Variants in ROBO2 observed in about 807,000 individuals in gnomAD.
The protein encoded by ROBO2 is roundabout homolog 2.
A neutral mutation model predicts 160.8 loss-of-function variants in ROBO2; 53 were observed. That is an observed-to-expected ratio of 0.33 (90% CI 0.26 to 0.41). The LOEUF (loss-of-function observed/expected upper bound fraction) is 0.41. Among genes scored for constraint, ROBO2 ranks in the 10% least tolerant of loss-of-function variants. The probability of loss-of-function intolerance (pLI) is 1.00; values close to 1 mark genes in which losing one functional copy is unlikely to be tolerated. For missense variants in ROBO2, 1,577 were observed against 1,722.4 expected (o/e 0.92, Z 1.49); for synonymous variants, 664 against 611.7 (o/e 1.09, Z -1.26).
At chr3:77,322,603 A>T (rs1045143286) in intron 2 of ROBO2, among the ~76,000 whole-genome samples, 2 of 151,660 alleles carry the variant, frequency 1.3e-5, no homozygotes, top group African/African-American at 2.4e-5. Flanking sequence ...GGATGTCAGG[A>T]GAGAAATTGA....
chr3:77,425,564 TG>T (rs2078114120), intron 2 of ROBO2, among the ~76,000 whole-genome samples: 1 of 151,644 alleles, frequency 6.6e-6, no homozygotes, highest in Non-Finnish European at 1.5e-5. Context: ...TGAGAGGAAC[TG>T]GGAAGGAGTG....
intron 2 of ROBO2, among the ~76,000 whole-genome samples, chr3:76,042,519 T>C (rs2067304043): frequency 6.6e-6 from 1 of 152,058 alleles, no homozygotes; most frequent in Non-Finnish European, 1.5e-5. Context: ...AAAATTTAGA[T>C]TTGTTGCAAT....
chr3:76,903,103 T>TTA (rs1284988978), intron 2 of ROBO2, among the ~76,000 whole-genome samples: 1 of 152,096 alleles, frequency 6.6e-6, no homozygotes, highest in East Asian at 1.9e-4. Context: ...TACAGTTTTC[T>TTA]TATTGATTAA....
intron 2 of ROBO2, among the ~76,000 whole-genome samples, chr3:76,256,412 T>C (rs1200249596): frequency 6.8e-6 from 1 of 148,114 alleles, no homozygotes; most frequent in East Asian, 2.1e-4. Context: ...GATTAAATTG[T>C]ATTAATTAGT....
At chr3:76,590,507 CAG>C (rs1221423674) in intron 2 of ROBO2, among the ~76,000 whole-genome samples, 1 of 152,134 alleles carries the variant, frequency 6.6e-6, no homozygotes, top group Non-Finnish European at 1.5e-5. Context: ...AACCAACTGA[CAG>C]AGTAAAATGT....
intron 4 of ROBO2, among the ~76,000 whole-genome samples, chr3:77,485,950 A>G (rs1245319764): frequency 6.6e-6 from 1 of 151,988 alleles, no homozygotes; most frequent in Non-Finnish European, 1.5e-5. Flanking sequence ...CCCTTTTGAC[A>G]GGCTCCAGTG....
At chr3:76,371,141 A>G (rs1198921558) in intron 2 of ROBO2, among the ~76,000 whole-genome samples, 1 of 151,948 alleles carries the variant, frequency 6.6e-6, no homozygotes, top group Non-Finnish European at 1.5e-5. Flanking sequence ...CATTTATGAA[A>G]CTAGTCTAGG....
intron 6 of ROBO2, among the ~76,000 whole-genome samples, chr3:77,544,611 C>G (rs1020934487): frequency 6.6e-6 from 1 of 151,984 alleles, no homozygotes; most frequent in African/African-American, 2.4e-5. Flanking sequence ...GAATTGGTTG[C>G]GTGTTTGGGG....
At chr3:76,954,865 A>C (rs2149199142) in intron 2 of ROBO2, among the ~76,000 whole-genome samples, 1 of 152,334 alleles carries the variant, frequency 6.6e-6, no homozygotes, top group African/African-American at 2.4e-5. Context: ...ACACATAAAA[A>C]ATTATATATA....
intron 2 of ROBO2, among the ~76,000 whole-genome samples, chr3:76,631,830 T>C (rs1166534518): frequency 6.6e-6 from 1 of 152,142 alleles, no homozygotes; most frequent in East Asian, 1.9e-4. Flanking sequence ...CTTTAAGTAC[T>C]GGCGGATGTG....
chr3:76,529,939 T>G (rs966742354), intron 2 of ROBO2, among the ~76,000 whole-genome samples: 3 of 152,204 alleles, frequency 2.0e-5, no homozygotes, highest in African/African-American at 4.8e-5. Flanking sequence ...TGATCCCTGC[T>G]TTGGCCTCCC....
intron 2 of ROBO2, among the ~76,000 whole-genome samples, chr3:76,898,547 A>T (rs2074988276): frequency 6.6e-6 from 1 of 152,146 alleles, no homozygotes; most frequent in Non-Finnish European, 1.5e-5. Context: ...TTACATGCTA[A>T]GATCCTATAT....
chr3:76,264,101 G>C (rs1706944319), intron 2 of ROBO2, among the ~76,000 whole-genome samples: 1 of 152,070 alleles, frequency 6.6e-6, no homozygotes, highest in Non-Finnish European at 1.5e-5. Context: ...GAGAGCATTA[G>C]GAAAAATATC....
chr3:76,091,241 A>G (rs2069218154), intron 2 of ROBO2, among the ~76,000 whole-genome samples: 1 of 152,198 alleles, frequency 6.6e-6, no homozygotes, highest in Admixed American at 6.5e-5. Context: ...AAACTCAACA[A>G]TAAATAACTC....
intron 2 of ROBO2, among the ~76,000 whole-genome samples, chr3:76,469,552 C>T (rs2078541887): frequency 6.6e-6 from 1 of 151,994 alleles, no homozygotes; most frequent in African/African-American, 2.4e-5. Context: ...CATACTGTCC[C>T]CCCACACCTC....
intron 2 of ROBO2, among the ~76,000 whole-genome samples, chr3:76,796,366 A>G (rs974134210): frequency 1.3e-5 from 2 of 151,908 alleles, no homozygotes; most frequent in Admixed American, 6.6e-5. Flanking sequence ...ATACAAAAAT[A>G]TAAAGCAAGA....
intron 2 of ROBO2, among the ~76,000 whole-genome samples, chr3:77,276,336 T>G (rs2059826500): frequency 1.3e-5 from 2 of 152,186 alleles, no homozygotes; most frequent in African/African-American, 4.8e-5. Context: ...TGCTATTCCC[T>G]TGAAATGTTA....
At chr3:76,477,888 G>A (rs1577478172) in intron 2 of ROBO2, among the ~76,000 whole-genome samples, 1 of 151,774 alleles carries the variant, frequency 6.6e-6, no homozygotes, top group East Asian at 1.9e-4. Context: ...AACCAATGAG[G>A]GAATTTATAA....
intron 2 of ROBO2, among the ~76,000 whole-genome samples, chr3:76,922,986 A>C (rs907241691): frequency 1.3e-5 from 2 of 152,210 alleles, no homozygotes; most frequent in Non-Finnish European, 2.9e-5. Flanking sequence ...ATCCGCTCTC[A>C]AGAGAACTCA....
Sources: allele counts gnomAD v4.1 joint callset (sites outside exome capture counted in the v4.1 genomes callset), GRCh38; gene constraint gnomAD v4.1.1; transcripts MANE v1.5; gene names NCBI Gene and HGNC (gene_info 2026-07-23, HGNC 2026-07-21).